CHCHD3: variants seen among roughly 807,000 people sequenced by gnomAD.
CHCHD3 encodes the protein MICOS complex subunit MIC19.
A neutral mutation model predicts 38.2 loss-of-function variants in CHCHD3; 20 were observed. The observed-to-expected ratio is 0.52, with a 90% CI of 0.37 to 0.76. The LOEUF is 0.76. Ranked by LOEUF, CHCHD3 falls within the 30% of genes least tolerant of loss-of-function variation. CHCHD3 has a pLI of 0.00. For synonymous variants in CHCHD3, 82 were observed against 100.0 expected (o/e 0.82, Z 1.07); for missense variants, 245 against 279.2 (o/e 0.88, Z 0.87).
intron 6 of CHCHD3, among the ~76,000 whole-genome samples, chr7:132,826,143 C>T (rs1167551601): frequency 5.3e-5 from 8 of 152,164 alleles, no homozygotes; most frequent in Non-Finnish European, 7.3e-5. Flanking sequence ...ATAGATGGCT[C>T]TGCCTCACAA....
chr7:132,819,816 G>A (rs1450211584), intron 6 of CHCHD3, among the ~76,000 whole-genome samples: 1 of 152,240 alleles, frequency 6.6e-6, no homozygotes, highest in African/African-American at 2.4e-5. Context: ...AGGTGGTGAA[G>A]GTGAGGTGTG....
At chr7:133,016,685 T>C (rs1180866410) in intron 3 of CHCHD3, among the ~76,000 whole-genome samples, 1 of 152,222 alleles carries the variant, frequency 6.6e-6, no homozygotes, top group Admixed American at 6.5e-5. Flanking sequence ...CTCGAGGCTA[T>C]ATTGGCAAAG....
chr7:132,894,586 G>T (rs1809446944), intron 4 of CHCHD3, among the ~76,000 whole-genome samples: 1 of 152,128 alleles, frequency 6.6e-6, no homozygotes, highest in African/African-American at 2.4e-5. Flanking sequence ...CTCCTTAACT[G>T]TAAACTCTCT....
At chr7:132,924,631 A>G (rs1012549494) in intron 4 of CHCHD3, among the ~76,000 whole-genome samples, 1 of 152,190 alleles carries the variant, frequency 6.6e-6, no homozygotes, top group East Asian at 1.9e-4. Flanking sequence ...CAAAATTTTC[A>G]TGATGCCAGA....
intron 4 of CHCHD3, among the ~76,000 whole-genome samples, chr7:132,939,088 C>T (rs1810700367): frequency 6.6e-6 from 1 of 152,106 alleles, no homozygotes. Flanking sequence ...CCATATAAAA[C>T]TGGTCTCGGT....
chr7:133,075,006 T>C (rs1259286106), intron 1 of CHCHD3, among the ~76,000 whole-genome samples: 1 of 152,174 alleles, frequency 6.6e-6, no homozygotes, highest in Admixed American at 6.5e-5. Flanking sequence ...GTAAGGTGCA[T>C]GAGGACCAGG....
intron 4 of CHCHD3, among the ~76,000 whole-genome samples, chr7:132,900,414 T>A (rs988386644): frequency 6.6e-6 from 1 of 152,092 alleles, no homozygotes. Flanking sequence ...ATACATCAGC[T>A]CTCCTCTTGA....
chr7:132,809,696 T>C (rs566795942), intron 6 of CHCHD3, among the ~76,000 whole-genome samples: 5 of 152,344 alleles, frequency 3.3e-5, no homozygotes, highest in Admixed American at 2.0e-4. Flanking sequence ...AAGGTTGTTT[T>C]CAAACACAAT....
At chr7:133,072,796 A>C (rs1257624150) in intron 1 of CHCHD3, among the ~76,000 whole-genome samples, 1 of 149,370 alleles carries the variant, frequency 6.7e-6, no homozygotes, top group East Asian at 2.0e-4. Context: ...ATCGCGCCAC[A>C]GCCTGGGCAA....
At chr7:133,012,876 C>T (rs1350381676) in intron 3 of CHCHD3, among the ~76,000 whole-genome samples, 2 of 148,962 alleles carry the variant, frequency 1.3e-5, no homozygotes, top group Middle Eastern at 3.3e-3. Flanking sequence ...GGAGGCCAAA[C>T]CTTCAATAAC....
In CHCHD3 at chr7:132,885,747, T is replaced by TA; in HGVS notation, c.370-3dup. 6.2e-7 allele frequency: 1 copy of TA among 1,604,498 alleles called. No homozygotes were observed. Among genetic ancestry groups the TA allele is most frequent in the East Asian group, 2.3e-5 (1 of 44,440 alleles). ...GTCTTTCTCTTCCAGCTGCCTAGCC[T>TA]AAAAAAAGAAATGAGGAATATACTA... On this transcript the variant is annotated splice_region_variant and splice_polypyrimidine_tract_variant and intron_variant, in intron 4 of 7. Transcript: ENST00000262570.
At chr7:132,988,488 A>T (rs898316192) in intron 3 of CHCHD3, among the ~76,000 whole-genome samples, 2 of 152,204 alleles carry the variant, frequency 1.3e-5, no homozygotes, top group Non-Finnish European at 2.9e-5. Context: ...ATTATGGAAC[A>T]TAGGTACTCT....
In CHCHD3 at chr7:133,078,795, G is replaced by A. The variant is rs141761127; in HGVS notation, c.81+3062C>T. Among the ~76,000 whole-genome samples, 7 of 152,268 alleles carry A rather than the reference G, an allele frequency of 4.6e-5. 1 individual carries two copies. The highest frequency in any genetic ancestry group is 4.6e-4 in the Admixed American group (7 of 15,292). Reference sequence around the variant, plus strand: ...CTGCCTCTGTTGAATTAGTAAGCTTGGTAAACTTTCATTTCTTACAACCAA... The same window carrying A: ...CTGCCTCTGTTGAATTAGTAAGCTTAGTAAACTTTCATTTCTTACAACCAA... On this transcript the variant is annotated intron_variant, in intron 1 of 7. Transcript: ENST00000262570.
chr7:132,931,825 C>G (rs1044449964), intron 4 of CHCHD3, among the ~76,000 whole-genome samples: 5 of 152,126 alleles, frequency 3.3e-5, no homozygotes, highest in Admixed American at 3.3e-4. Context: ...TCCCCTCCCC[C>G]TACCCCGACA....
intron 4 of CHCHD3, among the ~76,000 whole-genome samples, chr7:132,900,358 T>G (rs1219501262): frequency 6.6e-6 from 1 of 152,148 alleles, no homozygotes; most frequent in Admixed American, 6.5e-5. Flanking sequence ...ATTTCAGTAG[T>G]ACCCAGGGCT....
In CHCHD3 at chr7:132,915,427, T is replaced by C. The variant is rs144287511; in HGVS notation, c.370-29682A>G. On this transcript the variant is annotated intron_variant, in intron 4 of 7. Coordinates refer to ENST00000262570, the MANE Select transcript of CHCHD3 (RefSeq NM_017812.4). ...TTTCTCACTCCTGCACGGTTCCCTC[T>C]GGTCTTTCCTTTTGAGCTGTTCCCC... Among the ~76,000 whole-genome samples the C allele has an allele frequency of 2.3e-3, 346 of 152,302 alleles. 2 individuals are homozygous for C. Among genetic ancestry groups the C allele is most frequent in the African/African-American group, 7.7e-3 (320 of 41,568 alleles).
At chr7:132,867,134 C>T (rs1034190769) in intron 5 of CHCHD3, among the ~76,000 whole-genome samples, 13 of 152,186 alleles carry the variant, frequency 8.5e-5, no homozygotes, top group African/African-American at 2.9e-4. Context: ...GTCAGCTCTA[C>T]AGAACCAGAG....
intron 2 of CHCHD3, among the ~76,000 whole-genome samples, chr7:133,043,500 G>A (rs932502280): frequency 1.3e-5 from 2 of 152,004 alleles, no homozygotes; most frequent in Admixed American, 6.5e-5. Context: ...AAATTAGCTG[G>A]GCGTGGTGGT....
rs1453427933 is a variant in CHCHD3, at chr7:133,036,017, C to T, written c.170-11390G>A. On this transcript the variant is annotated intron_variant, in intron 2 of 7. Transcript: ENST00000262570. ...TTTAATGAAACTAGTAATTAGAATA[C>T]CAACTTATTCTCCATAAATAGTAAC... 3 of 799,364 alleles carry T rather than the reference C, an allele frequency of 3.8e-6. No homozygotes were observed. The Admixed American group carries it at 6.0e-5, about 16-fold the overall frequency. 49.5% of individuals were successfully genotyped at this position (799,364 alleles called of 1,614,324 possible). A position where few individuals can be genotyped will look rare whatever the true frequency, so the allele number is the denominator to read the frequency against.
Sources: allele counts gnomAD v4.1 joint callset (sites outside exome capture counted in the v4.1 genomes callset), GRCh38; gene constraint gnomAD v4.1.1; transcripts MANE v1.5; gene names NCBI Gene and HGNC (gene_info 2026-07-23, HGNC 2026-07-21).